Variants in TBC1D9B observed in about 807,000 individuals in gnomAD.
TBC1D9B encodes the protein TBC1 domain family member 9B, also known as TBC1 domain family, member 9B (with GRAM domain).
Under a neutral mutation model 121.1 loss-of-function variants are expected in TBC1D9B, and 87 were observed. That is an observed-to-expected ratio of 0.72 (90% CI 0.60 to 0.86). The LOEUF is 0.86. Among genes scored for constraint, TBC1D9B ranks in the 40% least tolerant of loss-of-function variants. The probability of loss-of-function intolerance (pLI) is 0.00; values close to 1 mark genes in which losing one functional copy is unlikely to be tolerated. For missense variants in TBC1D9B, 1,540 were observed against 1,628.6 expected, an observed-to-expected ratio of 0.95 and a Z score of 0.94; for synonymous variants, 668 against 670.1, an observed-to-expected ratio of 1.00 and a Z score of 0.05.
In TBC1D9B at chr5:179,878,496, G is replaced by A; in HGVS notation, c.1595C>T (p.Pro532Leu). The A allele has an allele frequency of 6.2e-7, 1 of 1,609,026 alleles. No individual in the cohort carries two copies. The highest frequency in any genetic ancestry group is 8.5e-7 in the Non-Finnish European group (1 of 1,177,632). Residue 532 changes from proline (P) to leucine (L), a missense_variant, in exon 10 of 21, where the codon CCC becomes CTC. By Grantham distance (98) the Pro-to-Leu change is moderately conservative (BLOSUM62 -3). Coordinates refer to ENST00000355235, the MANE Select transcript of TBC1D9B (RefSeq NM_015043.4). ...SGAWNEMVTHPGYYAELVEKS... is the reference protein window; with the variant it reads ...SGAWNEMVTHLGYYAELVEKS... The stretch of plus-strand genomic sequence containing the variant: ...CTCCACCAGCTCAGCATAGTACCCG[G>A]GGTGAGTCACCATCTCATTCCAGGC...
At chr5:179,906,393 C>G (rs754606887) in intron 1 of TBC1D9B, among the ~76,000 whole-genome samples, 12 of 152,190 alleles carry the variant, frequency 7.9e-5, no homozygotes, top group African/African-American at 2.4e-4. Context: ...AGGAGGTGTA[C>G]AGAGACCGGG....
chr5:179,904,839 G>A lies in TBC1D9B; in HGVS notation c.119-27C>T, dbSNP rs1169981436. The A allele has an allele frequency of 2.7e-5, 42 of 1,528,326 alleles. No homozygotes were observed. The highest frequency in any genetic ancestry group is 3.4e-5 in the Non-Finnish European group (39 of 1,131,224). The allele number at this position is 1,528,326 out of a possible 1,614,324, so 94.7% of individuals were successfully genotyped here. A position where few individuals can be genotyped will look rare whatever the true frequency, so the allele number is the denominator to read the frequency against. ...TGGGAACAGGGCAGAGAGACATAGAGGGTGAGGGGAGGGCCGGACTGAGGC... is the reference window on the plus strand; with the variant it reads ...TGGGAACAGGGCAGAGAGACATAGAAGGTGAGGGGAGGGCCGGACTGAGGC... On this transcript the variant is annotated intron_variant, in intron 1 of 20. Transcript: ENST00000355235. The surrounding 1 kb of genome is among the most constrained non-coding windows in gnomAD (Gnocchi z 4.2).
chr5:179,905,637 C>G (rs1387306075), intron 1 of TBC1D9B, among the ~76,000 whole-genome samples: 1 of 152,140 alleles, frequency 6.6e-6, no homozygotes, highest in Non-Finnish European at 1.5e-5. Context: ...GTAATGCTAT[C>G]TTTGTCAGTG....
At chr5:179,903,416 G>T (rs1001312936) in intron 2 of TBC1D9B, among the ~76,000 whole-genome samples, 1 of 152,210 alleles carries the variant, frequency 6.6e-6, no homozygotes, top group Non-Finnish European at 1.5e-5. Context: ...TCTTGGACGG[G>T]TGAGTGCGCT....
chr5:179,895,993 G>C (rs1442247806), intron 3 of TBC1D9B, among the ~76,000 whole-genome samples: 1 of 152,138 alleles, frequency 6.6e-6, no homozygotes, highest in Non-Finnish European at 1.5e-5. Context: ...TCCTTTATTG[G>C]AGACAATTCT....
chr5:179,895,149 C>G lies in TBC1D9B; in HGVS notation c.349-535G>C, dbSNP rs999411043. 1.2e-4 allele frequency among the ~76,000 whole-genome samples: 19 copies of G among 152,322 alleles called. 1 individual carries two copies. Among genetic ancestry groups the G allele is most frequent in the African/African-American group, 4.6e-4 (19 of 41,560 alleles). On this transcript the variant is annotated intron_variant, in intron 3 of 20. Coordinates refer to ENST00000355235, the MANE Select transcript of TBC1D9B (RefSeq NM_015043.4). ...GTGCTGGGATTACAGGTGTGAACCA[C>G]TGTGTCTGGCCTGACACTTTTAAAA...
chr5:179,879,597 G>A (rs376659618), intron 8 of TBC1D9B, 31 bp downstream of exon 8: 81 of 1,613,370 alleles, frequency 5.0e-5, no homozygotes, highest in Non-Finnish European at 5.8e-5. Flanking sequence ...CGCTCTTGAC[G>A]GAGGCTGGAG....
At chr5:179,898,918 T>A (rs1193235407) in intron 3 of TBC1D9B, among the ~76,000 whole-genome samples, 1 of 152,228 alleles carries the variant, frequency 6.6e-6, no homozygotes. Flanking sequence ...GAACCGTCTA[T>A]CTGCGTACGC....
chr5:179,898,757 T>C (rs1761082164), intron 3 of TBC1D9B, among the ~76,000 whole-genome samples: 1 of 152,220 alleles, frequency 6.6e-6, no homozygotes, highest in Non-Finnish European at 1.5e-5. Context: ...CCCTTTAAAC[T>C]GTATATTCTG....
intron 5 of TBC1D9B, among the ~76,000 whole-genome samples, 181 bp downstream of exon 5, chr5:179,893,028 G>C (rs1760908046): frequency 6.6e-6 from 1 of 152,226 alleles, no homozygotes; most frequent in Non-Finnish European, 1.5e-5. Context: ...GCTATCTCCT[G>C]CTGCCTCTCC....
rs999516194 is a variant in TBC1D9B at position 179,890,220 on chromosome 5, G to A, written c.1044+1159C>T. ...GGAGCAGGTGTGTTGAGGGGTCAGC[G>A]CTGGCTGGGCAGGCGGCCCCCACCC... is the stretch of plus-strand genomic sequence containing the variant. On this transcript the variant is annotated intron_variant, in intron 6 of 20. Transcript: ENST00000355235. This position sits in a 1 kb window ranked among gnomAD's most constrained non-coding sequence, Gnocchi z 5.0. Among the ~76,000 whole-genome samples, 5 of 152,200 alleles carry A rather than the reference G, an allele frequency of 3.3e-5. No individual in the cohort carries two copies. The highest frequency in any genetic ancestry group is 3.8e-4 in the East Asian group (2 of 5,198).
intron 17 of TBC1D9B, 72 bp from the exon 18 acceptor site, chr5:179,867,921 G>A (rs1369591253): frequency 2.8e-6 from 4 of 1,418,956 alleles, no homozygotes; most frequent in Non-Finnish European, 3.7e-6. Context: ...GTTCCCTCCA[G>A]CCCTGGGCAG....
At position 179,891,487 on chromosome 5, in the gene TBC1D9B, C is replaced by A. The variant is rs767333008; in HGVS notation, c.936G>T (p.Thr312=). The A allele has an allele frequency of 3.1e-6, 5 of 1,614,074 alleles. No homozygotes were observed. The highest frequency in any genetic ancestry group is 4.2e-6 in the Non-Finnish European group (5 of 1,180,040). ...CAGGGATGTGCAGCTTGTTGAACGG[C>A]GTCCACAGGGTGCAGCTTGTGTGGC... ...LDGHTSCTLW[T]PFNKLHIPGQ... Residue 312 remains threonine (T), a synonymous_variant, in exon 6 of 21, where the codon ACG becomes ACT. Transcript: ENST00000355235. The surrounding 1 kb of genome is among the most constrained non-coding windows in gnomAD (Gnocchi z 4.3).
chr5:179,865,348 G>T lies in TBC1D9B; in HGVS notation c.2927C>A (p.Thr976Asn), dbSNP rs1307170511. 1.2e-6 allele frequency: 2 copies of T among 1,613,924 alleles called. No homozygotes were observed. Among genetic ancestry groups the T allele is most frequent in the Admixed American group, 1.7e-5 (1 of 60,002 alleles). The change falls in exon 20 of 21, where the codon ACC (threonine) becomes AAC (asparagine). Residue 976 changes from threonine (T) to asparagine (N), a missense_variant. Transcript: ENST00000355235. The surrounding 1 kb of genome is among the most constrained non-coding windows in gnomAD (Gnocchi z 5.1). ...GTAGTGCCGATAGTCCGGAGAGCTG[G>T]TCCCCTTCTCCTCTGCAGGTTAGGA... ...GSEERGEEKGTSSPDYRHYLR... is the reference protein window; with the variant it reads ...GSEERGEEKGNSSPDYRHYLR...
In TBC1D9B at chr5:179,863,592, G is replaced by T; in HGVS notation, c.3558C>A (p.Ile1186=). 1 of 1,614,162 alleles carries T rather than the reference G, an allele frequency of 6.2e-7. No homozygotes were observed. Among genetic ancestry groups the T allele is most frequent in the South Asian group, 1.1e-5 (1 of 91,090 alleles). ...DTDWCISFEQ[I]LASILTESVL... is the part of the protein sequence containing the mutation. Reference sequence around the variant, plus strand: ...CGGACTCCGTCAGGATGGAGGCCAGGATCTGCTCAAAGGAGATGCACCAGT... The same window carrying T: ...CGGACTCCGTCAGGATGGAGGCCAGTATCTGCTCAAAGGAGATGCACCAGT... The change falls in exon 21 of 21, where the codon ATC becomes ATA. Residue 1186 remains isoleucine, a synonymous_variant. Coordinates refer to ENST00000355235, the MANE Select transcript of TBC1D9B (RefSeq NM_015043.4). The surrounding 1 kb of genome is among the most constrained non-coding windows in gnomAD (Gnocchi z 4.5).
chr5:179,901,507 G>A (rs548584970), intron 2 of TBC1D9B, among the ~76,000 whole-genome samples: 306 of 152,230 alleles, frequency 2.0e-3, no homozygotes, highest in Middle Eastern at 6.8e-3. Context: ...TTTATAGGCC[G>A]GGCACAGTGG....
chr5:179,894,624 G>C lies in TBC1D9B; in HGVS notation c.349-10C>G. On this transcript the variant is annotated splice_polypyrimidine_tract_variant and intron_variant, in intron 3 of 20. Coordinates refer to ENST00000355235, the MANE Select transcript of TBC1D9B (RefSeq NM_015043.4). ...CTTCTGCGATGATTCCCTGGAGGAA[G>C]GCAAGAGGACAAGGGCTTGCCCTGC... is the stretch of plus-strand genomic sequence containing the variant. 1.9e-6 allele frequency: 3 copies of C among 1,614,056 alleles called. No individual in the cohort carries two copies. Among genetic ancestry groups the C allele is most frequent in the Non-Finnish European group, 2.5e-6 (3 of 1,179,956 alleles).
rs776282117 is a variant in TBC1D9B at position 179,902,899 on chromosome 5, C to T, written c.229+1803G>A. ...GCTTGGCCTTGGACAAACTCCCCTT[C>T]CTAACTCTTACTGAGTTATTCAGTC... On this transcript the variant is annotated intron_variant, in intron 2 of 20. Transcript: ENST00000355235. The surrounding 1 kb of genome is among the most constrained non-coding windows in gnomAD (Gnocchi z 4.9). Among the ~76,000 whole-genome samples, 8 of 144,772 alleles carry T rather than the reference C, an allele frequency of 5.5e-5. No individual in the cohort carries two copies. Among genetic ancestry groups the T allele is most frequent in the Non-Finnish European group, 8.8e-5 (6 of 68,022 alleles). 95.0% of individuals were successfully genotyped at this position (144,772 alleles called of 152,430 possible). A position where few individuals can be genotyped will look rare whatever the true frequency, so the allele number is the denominator to read the frequency against.
Position 179,863,938 on chromosome 5 carries a change from G to A in TBC1D9B, c.3212C>T (p.Ala1071Val). Residue 1071 changes from alanine (A) to valine (V), a missense_variant, in exon 21 of 21, where the codon GCA becomes GTA. Coordinates refer to ENST00000355235, the MANE Select transcript of TBC1D9B (RefSeq NM_015043.4). This position sits in a 1 kb window ranked among gnomAD's most constrained non-coding sequence, Gnocchi z 4.5. The part of the protein sequence containing the change: ...DCATEEDEPP[A>V]PELHQDAARE... ...GGCTGCGTCCTGATGCAGTTCGGGT[G>A]CTGGTGGCTCGTCCTCCTCAGTGGC... 1 of 1,613,928 alleles carries A rather than the reference G, an allele frequency of 6.2e-7. No individual in the cohort carries two copies. Among genetic ancestry groups the A allele is most frequent in the Non-Finnish European group, 8.5e-7 (1 of 1,180,026 alleles).
Sources: allele counts gnomAD v4.1 joint callset (sites outside exome capture counted in the v4.1 genomes callset), GRCh38; gene constraint gnomAD v4.1.1; non-coding constraint Gnocchi (gnomAD v3.1); transcripts MANE v1.5; gene names NCBI Gene and HGNC (gene_info 2026-07-23, HGNC 2026-07-21).